The following BMP6 variants were observed in gnomAD, a reference collection of about 807,000 sequenced individuals.
BMP6 encodes VG-1-R.
Under a neutral mutation model 54.1 loss-of-function variants are expected in BMP6, and 17 were observed. The ratio of observed to expected loss-of-function variants is 0.31; its 90% confidence interval spans 0.22 to 0.47. The LOEUF (loss-of-function observed/expected upper bound fraction) is 0.47. BMP6 is among the 20% of genes least tolerant of loss of function. BMP6 has a pLI of 1.00. For missense variants in BMP6, 720 were observed against 690.4 expected (o/e 1.04, Z -0.48); for synonymous variants, 328 against 291.2 (o/e 1.13, Z -1.28).
intron 1 of BMP6, among the ~76,000 whole-genome samples, chr6:7,776,591 G>A (rs1757862968): frequency 6.6e-6 from 1 of 152,194 alleles, no homozygotes; most frequent in South Asian, 2.1e-4. Context: ...GTTCCTATGT[G>A]TGTCATTCCC....
chr6:7,772,098 CT>C (rs1461769888), intron 1 of BMP6, among the ~76,000 whole-genome samples: 1 of 151,984 alleles, frequency 6.6e-6, no homozygotes, highest in Non-Finnish European at 1.5e-5. Flanking sequence ...CAAAAAAACC[CT>C]TTTAGCTTTC....
chr6:7,807,559 C>A (rs565212697), intron 1 of BMP6, among the ~76,000 whole-genome samples: 1 of 151,998 alleles, frequency 6.6e-6, no homozygotes, highest in East Asian at 1.9e-4. Flanking sequence ...GATCACAGGC[C>A]TGAGCCCACG....
At chr6:7,878,923 C>G (rs1414253588) in intron 4 of BMP6, 151 bp from the exon 5 acceptor site, 3 of 761,946 alleles carry the variant, frequency 3.9e-6, no homozygotes, top group African/African-American at 1.7e-5. Flanking sequence ...CAGTCAGGAA[C>G]CTGATGTAGC....
chr6:7,795,292 C>T (rs762206322), intron 1 of BMP6, among the ~76,000 whole-genome samples: 1 of 152,154 alleles, frequency 6.6e-6, no homozygotes, highest in Non-Finnish European at 1.5e-5. Context: ...AGGACCCTGG[C>T]CTGGTCTGAG....
rs576592033 is a variant in BMP6 at position 7,741,970 on chromosome 6, C to A, written c.664+14351C>A. 1.3e-4 allele frequency among the ~76,000 whole-genome samples: 20 copies of A among 152,298 alleles called. No homozygotes were observed. In the South Asian group the frequency reaches 4.1e-3, roughly 32 times the overall value. On this transcript the variant is annotated intron_variant, in intron 1 of 6. Transcript: ENST00000283147. ...CATGGTGCCTTTCCTTCATCGATAC[C>A]CAATAAGTGCACATTGAATAAATGT...
At chr6:7,842,185 A>G (rs1400854798) in intron 1 of BMP6, among the ~76,000 whole-genome samples, 1 of 152,116 alleles carries the variant, frequency 6.6e-6, no homozygotes, top group East Asian at 1.9e-4. Context: ...ACAACGAGTT[A>G]CCATCTCTCA....
chr6:7,845,845 C>T (rs977368579), intron 2 of BMP6, among the ~76,000 whole-genome samples: 2 of 151,794 alleles, frequency 1.3e-5, no homozygotes, highest in South Asian at 4.2e-4. Flanking sequence ...TTTTCCATGT[C>T]TGTATTACTC....
At chr6:7,791,497 C>G (rs1369458956) in intron 1 of BMP6, among the ~76,000 whole-genome samples, 1 of 152,120 alleles carries the variant, frequency 6.6e-6, no homozygotes, top group African/African-American at 2.4e-5. Flanking sequence ...CTGTCCTTGG[C>G]CCTCTCTGCT....
At chr6:7,750,456 AG>A (rs2113128442) in intron 1 of BMP6, among the ~76,000 whole-genome samples, 1 of 152,302 alleles carries the variant, frequency 6.6e-6, no homozygotes, top group African/African-American at 2.4e-5. Flanking sequence ...TATTCTTTGG[AG>A]TTTCTGAAAT....
At chr6:7,812,297 A>G (rs1758446912) in intron 1 of BMP6, among the ~76,000 whole-genome samples, 1 of 152,226 alleles carries the variant, frequency 6.6e-6, no homozygotes, top group Non-Finnish European at 1.5e-5. Context: ...CTTGAAGAAT[A>G]CTATCCATTC....
intron 1 of BMP6, among the ~76,000 whole-genome samples, chr6:7,830,695 C>T (rs1050446390): frequency 1.3e-5 from 2 of 152,166 alleles, no homozygotes; most frequent in African/African-American, 4.8e-5. Flanking sequence ...TGATGGAAGA[C>T]AGAGGTACAC....
intron 1 of BMP6, among the ~76,000 whole-genome samples, chr6:7,779,910 TG>T (rs1757918305): frequency 6.6e-6 from 1 of 152,088 alleles, no homozygotes; most frequent in Admixed American, 6.5e-5. Context: ...CTTTTTGTGG[TG>T]TCTGGTGAGT....
At chr6:7,783,931 C>T (rs1268687767) in intron 1 of BMP6, among the ~76,000 whole-genome samples, 1 of 152,218 alleles carries the variant, frequency 6.6e-6, no homozygotes, top group Non-Finnish European at 1.5e-5. Flanking sequence ...CACATGAGCC[C>T]TCAGGATGAG....
intron 1 of BMP6, among the ~76,000 whole-genome samples, chr6:7,741,440 CGTGT>C (rs1757253166): frequency 6.6e-6 from 1 of 151,018 alleles, no homozygotes; most frequent in Admixed American, 6.6e-5. Context: ...GACTACTAGG[CGTGT>C]ACCACCATGC....
chr6:7,868,939 C>T (rs925348341), intron 4 of BMP6, among the ~76,000 whole-genome samples: 5 of 152,196 alleles, frequency 3.3e-5, no homozygotes, highest in African/African-American at 1.2e-4. Flanking sequence ...CTGACATTCT[C>T]TCTCCCCTGC....
intron 1 of BMP6, among the ~76,000 whole-genome samples, chr6:7,800,851 T>G (rs1390770543): frequency 6.6e-6 from 1 of 150,450 alleles, no homozygotes; most frequent in Non-Finnish European, 1.5e-5. Context: ...GGCCAATGAT[T>G]TGTCATTTGA....
In BMP6 at chr6:7,880,311, A is replaced by G; in HGVS notation, c.1510A>G (p.Asn504Asp). 6.2e-7 allele frequency: 1 copy of G among 1,614,194 alleles called. No individual in the cohort carries two copies. The highest frequency in any genetic ancestry group is 8.5e-7 in the Non-Finnish European group (1 of 1,180,032). Residue 504 changes from asparagine (N) to aspartate (D), a missense_variant, in exon 7 of 7, where the codon AAT (asparagine) becomes GAT (aspartate). Asn to Asp is a conservative substitution (Grantham distance 23, BLOSUM62 1). This residue lies in a region of BMP6 where 43 missense variants were observed against 54.0 expected (regional missense o/e 0.80). Transcript: ENST00000283147. ...CAATGTCATTCTGAAAAAATACAGG[A>G]ATATGGTTGTAAGAGCTTGTGGATG... ...NSNVILKKYR[N>D]MVVRACGCH
At chr6:7,799,740 T>TAA (rs34023411) in intron 1 of BMP6, among the ~76,000 whole-genome samples, 40,745 of 145,596 alleles carry the variant, frequency 0.28, 6,009 homozygotes, top group East Asian at 0.52. Context: ...ACACTGATTA[T>TAA]AAAAAAAAAA....
intron 1 of BMP6, among the ~76,000 whole-genome samples, chr6:7,808,751 C>G (rs182540078): frequency 2.4e-4 from 36 of 151,474 alleles, no homozygotes; most frequent in African/African-American, 8.0e-4. Context: ...ATGTCTCAAA[C>G]AAAAAATTTA....
Sources: allele counts gnomAD v4.1 joint callset (sites outside exome capture counted in the v4.1 genomes callset), GRCh38; gene constraint gnomAD v4.1.1; regional missense constraint gnomAD v4.1.1; transcripts MANE v1.5; gene names NCBI Gene and HGNC (gene_info 2026-07-23, HGNC 2026-07-21).